MIR2052HG: variants seen among roughly 807,000 people sequenced by gnomAD.
The protein encoded by MIR2052HG is MIR2052 host gene.
At chr8:74,625,894 C>T (rs577622585) in intron 2 of MIR2052HG, among the ~76,000 whole-genome samples, 1 of 152,178 alleles carries the variant, frequency 6.6e-6, no homozygotes, top group African/African-American at 2.4e-5. Flanking sequence ...ATTATGCATA[C>T]ATTATAAGAG....
chr8:74,714,459 G>A (rs374112824), intron 4 of MIR2052HG, among the ~76,000 whole-genome samples: 1 of 152,150 alleles, frequency 6.6e-6, no homozygotes, highest in East Asian at 1.9e-4. Flanking sequence ...AAGTTATATA[G>A]ATTTAGTCAG....
intron 2 of MIR2052HG, among the ~76,000 whole-genome samples, chr8:74,663,437 A>G (rs1321054245): frequency 6.6e-6 from 1 of 152,244 alleles, no homozygotes; most frequent in Middle Eastern, 3.2e-3. Context: ...ATTAAAACTA[A>G]AATAGAATTC....
At chr8:74,623,160 A>T (rs541659851) in intron 2 of MIR2052HG, among the ~76,000 whole-genome samples, 1 of 152,372 alleles carries the variant, frequency 6.6e-6, no homozygotes, top group Non-Finnish European at 1.5e-5. Context: ...ATCACAAAAA[A>T]GATAAGAATG....
intron 2 of MIR2052HG, among the ~76,000 whole-genome samples, chr8:74,661,727 A>C (rs941291600): frequency 6.6e-6 from 1 of 152,198 alleles, no homozygotes; most frequent in Non-Finnish European, 1.5e-5. Flanking sequence ...TGAACCAAGA[A>C]AAAGCAAGGG....
chr8:74,706,449 T>G (rs1290895645), intron 4 of MIR2052HG, among the ~76,000 whole-genome samples: 1 of 152,072 alleles, frequency 6.6e-6, no homozygotes, highest in Non-Finnish European at 1.5e-5. Flanking sequence ...GCAAATTAAT[T>G]AGCGTTCACT....
At chr8:74,651,112 G>C (rs755339309) in intron 2 of MIR2052HG, among the ~76,000 whole-genome samples, 3 of 136,712 alleles carry the variant, frequency 2.2e-5, no homozygotes, top group Non-Finnish European at 3.1e-5. Context: ...GAGTGAGTTA[G>C]TAATAAATTC....
intron 4 of MIR2052HG, among the ~76,000 whole-genome samples, chr8:74,742,209 A>AG (rs1424780284): frequency 1.3e-5 from 2 of 152,192 alleles, no homozygotes; most frequent in Non-Finnish European, 2.9e-5. Context: ...GATTGGTTTA[A>AG]GGGGGAGTTC....
chr8:74,611,038 A>G (rs1808187208), intron 1 of MIR2052HG, among the ~76,000 whole-genome samples: 1 of 152,068 alleles, frequency 6.6e-6, no homozygotes, highest in Non-Finnish European at 1.5e-5. Flanking sequence ...TAAGAGAGTG[A>G]AAGATAAGTG....
At chr8:74,724,420 AG>A (rs957874334) in intron 4 of MIR2052HG, among the ~76,000 whole-genome samples, 19 of 152,136 alleles carry the variant, frequency 1.2e-4, no homozygotes, top group African/African-American at 4.6e-4. Flanking sequence ...CTGCTTTGCC[AG>A]GGGGATTCAT....
intron 2 of MIR2052HG, among the ~76,000 whole-genome samples, chr8:74,619,993 G>A (rs1808338576): frequency 6.6e-6 from 1 of 152,180 alleles, no homozygotes; most frequent in Admixed American, 6.5e-5. Context: ...TTACTTCCTA[G>A]ATACAATGGG....
At chr8:74,651,689 C>T (rs889029857) in intron 2 of MIR2052HG, among the ~76,000 whole-genome samples, 2 of 152,048 alleles carry the variant, frequency 1.3e-5, no homozygotes, top group East Asian at 1.9e-4. Context: ...AGAGAACTTC[C>T]TTTTTATCCT....
rs560448152 is a variant in MIR2052HG at position 74,694,773 on chromosome 8, A to T, written n.217-7606A>T. Among the ~76,000 whole-genome samples the T allele has an allele frequency of 6.6e-5, 10 of 152,264 alleles. No homozygotes were observed. In the East Asian group the frequency reaches 1.7e-3, roughly 26 times the overall value. ...GCTTGAAGACAAGTCTTTTGAATTA[A>T]CCCAATCTGACAAAGGCAAAGAAAA... On this transcript the variant is annotated intron_variant and non_coding_transcript_variant, in intron 2 of 6. Coordinates refer to ENST00000523442, the Ensembl canonical transcript of MIR2052HG.
At chr8:74,642,362 G>A (rs112965490) in intron 2 of MIR2052HG, among the ~76,000 whole-genome samples, 268 of 152,068 alleles carry the variant, frequency 1.8e-3, no homozygotes, top group African/African-American at 6.2e-3. Flanking sequence ...TTAACCTATT[G>A]GGACATATAC....
intron 4 of MIR2052HG, among the ~76,000 whole-genome samples, chr8:74,707,063 A>G (rs1418462503): frequency 6.6e-6 from 1 of 152,174 alleles, no homozygotes; most frequent in African/African-American, 2.4e-5. Context: ...TGAAAATTCA[A>G]TATTTATAAA....
At chr8:74,679,390 C>T (rs1809093094) in intron 2 of MIR2052HG, among the ~76,000 whole-genome samples, 1 of 152,028 alleles carries the variant, frequency 6.6e-6, no homozygotes, top group Non-Finnish European at 1.5e-5. Context: ...TAATGGTCTC[C>T]AACTCCATCC....
At chr8:74,667,357 T>C (rs1027099029) in intron 2 of MIR2052HG, among the ~76,000 whole-genome samples, 1 of 152,156 alleles carries the variant, frequency 6.6e-6, no homozygotes, top group Non-Finnish European at 1.5e-5. Flanking sequence ...GGAACTCATA[T>C]GACAAAAGAT....
chr8:74,719,961 G>T (rs1292493789), intron 4 of MIR2052HG, among the ~76,000 whole-genome samples: 1 of 142,166 alleles, frequency 7.0e-6, no homozygotes, highest in Non-Finnish European at 1.5e-5. Context: ...AGTTCTCCTT[G>T]CCTCAACCTC....
intron 1 of MIR2052HG, chr8:74,604,089 C>A: frequency 1.1e-6 from 1 of 929,136 alleles, no homozygotes; most frequent in Non-Finnish European, 1.8e-6. Context: ...CAGGACAATT[C>A]CCTTCTGAGA....
At chr8:74,695,867 A>G (rs1338133156) in intron 2 of MIR2052HG, among the ~76,000 whole-genome samples, 6 of 152,160 alleles carry the variant, frequency 3.9e-5, no homozygotes, top group Non-Finnish European at 5.9e-5. Context: ...CAGCAACACA[A>G]TAATAGTGGG....
Sources: gnomAD v4.1 joint callset for allele counts (sites outside exome capture counted in the v4.1 genomes callset) on GRCh38, gnomAD v4.1.1 for gene constraint, MANE v1.5 for transcripts, NCBI Gene and HGNC (gene_info 2026-07-23, HGNC 2026-07-21) for gene names.